DENND3: variants seen among roughly 807,000 people sequenced by gnomAD.
DENND3 encodes the protein DENN domain containing 3, also known as DENN domain-containing protein 3.
A neutral mutation model predicts 135.1 loss-of-function variants in DENND3; 88 were observed. That is an observed-to-expected ratio of 0.65 (90% CI 0.55 to 0.78). The LOEUF is 0.78. Among genes scored for constraint, DENND3 ranks in the 30% least tolerant of loss-of-function variants. The pLI, the probability that DENND3 is intolerant of heterozygous loss-of-function variation, is 0.00. For missense variants in DENND3, 1,392 were observed against 1,688.4 expected, an observed-to-expected ratio of 0.82 and a Z score of 3.08; for synonymous variants, 693 against 712.3, an observed-to-expected ratio of 0.97 and a Z score of 0.43.
At chr8:141,150,304 A>G in intron 5 of DENND3, 3 of 1,282,828 alleles carry the variant, frequency 2.3e-6, no homozygotes, top group Non-Finnish European at 3.0e-6. Flanking sequence ...GTGTCTCAGT[A>G]GCCATTCTGT....
intron 10 of DENND3, among the ~76,000 whole-genome samples, chr8:141,164,569 T>C (rs1258526166): frequency 1.3e-5 from 2 of 152,222 alleles, no homozygotes; most frequent in African/African-American, 2.4e-5. Flanking sequence ...CTCTCTGCCC[T>C]GTGAGCTTGG....
intron 5 of DENND3, 136 bp from the exon 6 acceptor site, chr8:141,150,698 A>G (rs1654031808): frequency 2.6e-6 from 3 of 1,165,974 alleles, no homozygotes; most frequent in Admixed American, 5.5e-5. Flanking sequence ...ATTCTGCAGA[A>G]TTTAACGTGG....
Position 141,155,983 on chromosome 8 carries a change from A to T in DENND3, c.1196+13A>T, listed in dbSNP as rs748728686. On this transcript the variant is annotated intron_variant, in intron 8 of 22. Coordinates refer to ENST00000519811, the MANE Select transcript of DENND3 (RefSeq NM_001352890.3). The stretch of plus-strand genomic sequence containing the variant: ...CGTTTATTCAGAGGTAACGGGAAAC[A>T]TTAATGGTATGAATTTCAGACCGTC... The T allele has an allele frequency of 6.3e-7, 1 of 1,583,644 alleles. No individual in the cohort carries two copies. Among genetic ancestry groups the T allele is most frequent in the African/African-American group, 1.4e-5 (1 of 73,960 alleles).
Position 141,167,583 on chromosome 8 carries a change from C to T in DENND3, c.1754-421C>T, listed in dbSNP as rs545296881. Among the ~76,000 whole-genome samples the T allele has an allele frequency of 2.6e-5, 4 of 152,302 alleles. No homozygotes were observed. The highest frequency in any genetic ancestry group is 3.9e-4 in the East Asian group (2 of 5,188). ...CAGGCTGTGGAAGCCTCGGTTTCCG[C>T]ATCTGTAGAACGGGACTATAGTAAT... On this transcript the variant is annotated intron_variant, in intron 12 of 22. Coordinates refer to ENST00000519811, the MANE Select transcript of DENND3 (RefSeq NM_001352890.3). This position sits in a 1 kb window ranked among gnomAD's most constrained non-coding sequence, Gnocchi z 4.1.
intron 1 of DENND3, among the ~76,000 whole-genome samples, chr8:141,133,776 T>G (rs1816444686): frequency 6.6e-6 from 1 of 152,162 alleles, no homozygotes; most frequent in Non-Finnish European, 1.5e-5. Flanking sequence ...CTGTGTTTGT[T>G]GCAGAGGAGA....
Position 141,136,607 on chromosome 8 carries a change from A to G in DENND3, c.201A>G (p.Gln67=), listed in dbSNP as rs922954762. 5.0e-6 allele frequency: 8 copies of G among 1,601,476 alleles called. No individual in the cohort carries two copies. The African/African-American group carries it at 9.4e-5, about 19-fold the overall frequency. ...CTTTTATCAGTAAAGAGGACAGTCA[A>G]ATGGCCGGTGCCAACTGCGGCACTC... ...VPPFISKEDS[Q]MAGANCGTLG... The change falls in exon 2 of 23, where the codon CAA becomes CAG. Residue 67 remains glutamine (Q), a synonymous_variant. Coordinates refer to ENST00000519811, the MANE Select transcript of DENND3 (RefSeq NM_001352890.3).
chr8:141,149,724 G>C (rs1210207670), intron 5 of DENND3, among the ~76,000 whole-genome samples: 1 of 152,230 alleles, frequency 6.6e-6, no homozygotes, highest in Admixed American at 6.5e-5. Flanking sequence ...AAACCTAGCC[G>C]GGCACGGGCA....
chr8:141,185,038 G>A (rs1298481054), intron 17 of DENND3, 101 bp from the exon 18 acceptor site: 10 of 1,459,530 alleles, frequency 6.9e-6, no homozygotes, highest in South Asian at 1.3e-5. Flanking sequence ...TGGGCCTGGC[G>A]CTTAGGAGGG....
chr8:141,161,335 C>T (rs182922226), intron 9 of DENND3, among the ~76,000 whole-genome samples: 1 of 152,318 alleles, frequency 6.6e-6, no homozygotes, highest in Admixed American at 6.5e-5. Flanking sequence ...GGGTGGGGCA[C>T]TCAAGATGTG....
At chr8:141,189,692 A>G (rs1824427406) in intron 19 of DENND3, among the ~76,000 whole-genome samples, 1 of 151,424 alleles carries the variant, frequency 6.6e-6, no homozygotes, top group Non-Finnish European at 1.5e-5. Context: ...CACACTCCCC[A>G]CTCCTTTTTC....
Position 141,178,342 on chromosome 8 carries a change from G to C in DENND3, c.2836+146G>C, listed in dbSNP as rs895292528. ...TATATTTGTAATTTACTCTCGAGTCGCACACCTTATCCGGCATCTTTCCTT... is the reference window on the plus strand; with the variant it reads ...TATATTTGTAATTTACTCTCGAGTCCCACACCTTATCCGGCATCTTTCCTT... On this transcript the variant is annotated intron_variant, in intron 16 of 22. Transcript: ENST00000519811. 7.3e-6 allele frequency: 9 copies of C among 1,230,318 alleles called. No homozygotes were observed. In the South Asian group the frequency reaches 1.1e-4, roughly 16 times the overall value. 76.2% of individuals were successfully genotyped at this position (1,230,318 alleles called of 1,614,324 possible). A position where few individuals can be genotyped will look rare whatever the true frequency, so the allele number is the denominator to read the frequency against.
chr8:141,132,996 C>A (rs1483007371), intron 1 of DENND3, among the ~76,000 whole-genome samples: 3 of 152,094 alleles, frequency 2.0e-5, no homozygotes, highest in Non-Finnish European at 2.9e-5. Flanking sequence ...CCACCGCATC[C>A]CCTCAAATGG....
intron 9 of DENND3, among the ~76,000 whole-genome samples, chr8:141,162,860 G>A (rs1480938658): frequency 5.9e-5 from 9 of 152,220 alleles, no homozygotes; most frequent in Non-Finnish European, 1.3e-4. Context: ...GTTGCAGTGA[G>A]CCAAGATTGT....
At chr8:141,157,556 A>G in intron 8 of DENND3, 2 of 985,830 alleles carry the variant, frequency 2.0e-6, no homozygotes, top group Non-Finnish European at 2.4e-6. Flanking sequence ...CTTCTGGTGA[A>G]GCCTGTGATG....
At chr8:141,152,007 G>A (rs1569555697) in intron 7 of DENND3, among the ~76,000 whole-genome samples, 170 bp downstream of exon 7, 1 of 152,252 alleles carries the variant, frequency 6.6e-6, no homozygotes, top group African/African-American at 2.4e-5. Context: ...TCATTGTCCT[G>A]TGATGAAGCC....
At chr8:141,172,237 GTGTC>G (rs1198619686) in intron 13 of DENND3, among the ~76,000 whole-genome samples, 5 of 151,950 alleles carry the variant, frequency 3.3e-5, no homozygotes, top group Non-Finnish European at 7.4e-5. Context: ...GGTGTGCACA[GTGTC>G]TGTGGGTGTG....
chr8:141,184,817 C>T (rs1180687553), intron 17 of DENND3: 9 of 225,876 alleles, frequency 4.0e-5, no homozygotes, highest in Non-Finnish European at 7.9e-5. Context: ...CTTCCAGTTC[C>T]CTCTGCCTGG....
At chr8:141,142,192 TAGCCC>T in intron 4 of DENND3, 1 of 342,548 alleles carries the variant, frequency 2.9e-6, no homozygotes, top group South Asian at 2.1e-5. Context: ...TTGGGGGCTG[TAGCCC>T]AAGTTCAGAC....
At chr8:141,148,068 A>T (rs921314796) in intron 5 of DENND3, among the ~76,000 whole-genome samples, 3 of 152,232 alleles carry the variant, frequency 2.0e-5, no homozygotes, top group Non-Finnish European at 4.4e-5. Flanking sequence ...AGGTCAGTGT[A>T]GGCCAAGGTT....
Sources: gnomAD v4.1 joint callset for allele counts (sites outside exome capture counted in the v4.1 genomes callset) on GRCh38, gnomAD v4.1.1 for gene constraint, Gnocchi (gnomAD v3.1) non-coding constraint, MANE v1.5 for transcripts, NCBI Gene and HGNC (gene_info 2026-07-23, HGNC 2026-07-21) for gene names.